LRRC4C: variants seen among roughly 807,000 people sequenced by gnomAD.
The protein encoded by LRRC4C is leucine-rich repeat-containing protein 4C.
A neutral mutation model predicts 33.6 loss-of-function variants in LRRC4C; 5 were observed. The ratio of observed to expected loss-of-function variants is 0.15; its 90% CI spans 0.08 to 0.31. LRRC4C has a LOEUF of 0.31. Among genes scored for constraint, LRRC4C ranks in the 10% least tolerant of loss-of-function variants. The pLI, the probability that LRRC4C is intolerant of heterozygous loss-of-function variation, is 1.00. For missense variants in LRRC4C, 560 were observed against 796.7 expected (o/e 0.70, Z 3.58); for synonymous variants, 329 against 302.0 (o/e 1.09, Z -0.93).
chr11:40,833,032 G>A (rs889811858), intron 2 of LRRC4C, among the ~76,000 whole-genome samples: 3 of 152,048 alleles, frequency 2.0e-5, no homozygotes, highest in Non-Finnish European at 4.4e-5. Flanking sequence ...CCTATTTTAA[G>A]GCCAAAATTC....
At chr11:41,119,382 T>G (rs559762221) in intron 1 of LRRC4C, among the ~76,000 whole-genome samples, 41 of 152,150 alleles carry the variant, frequency 2.7e-4, no homozygotes, top group Admixed American at 2.1e-3. Flanking sequence ...GTAGATTAAA[T>G]TATTTCTGGA....
At chr11:40,698,739 G>C (rs1565648215) in intron 2 of LRRC4C, among the ~76,000 whole-genome samples, 2 of 152,158 alleles carry the variant, frequency 1.3e-5, no homozygotes, top group Non-Finnish European at 2.9e-5. Flanking sequence ...GTTCCACGTG[G>C]CTGGGGAGGC....
In LRRC4C at chr11:40,730,818, T is replaced by C. The variant is rs189279582; in HGVS notation, c.-406-82540A>G. On this transcript the variant is annotated intron_variant, in intron 2 of 6. Transcript: ENST00000528697. ...AGATTTGTCACAGCCTCAACTAAAG[T>C]GAAGCCCACCTTTTCTGCTTAATAT... Among the ~76,000 whole-genome samples, 28 of 152,356 alleles carry C rather than the reference T, an allele frequency of 1.8e-4. 1 individual carries two copies. The East Asian group carries it at 5.4e-3, about 29-fold the overall frequency.
At chr11:40,354,536 G>T (rs970686245) in intron 3 of LRRC4C, among the ~76,000 whole-genome samples, 2 of 152,156 alleles carry the variant, frequency 1.3e-5, no homozygotes, top group East Asian at 3.9e-4. Context: ...AGCTGAGCTG[G>T]CACCCAAGCT....
intron 3 of LRRC4C, among the ~76,000 whole-genome samples, chr11:40,479,636 C>G (rs1238974157): frequency 1.3e-5 from 2 of 152,088 alleles, no homozygotes; most frequent in African/African-American, 4.8e-5. Context: ...AAACATAGTG[C>G]CAAGTTCCTA....
intron 3 of LRRC4C, among the ~76,000 whole-genome samples, chr11:40,363,976 T>C (rs941157614): frequency 2.6e-5 from 4 of 152,208 alleles, no homozygotes; most frequent in Non-Finnish European, 5.9e-5. Context: ...TCGTACATAT[T>C]TTTCTCTGAT....
At chr11:41,378,644 T>C (rs1838945) in intron 1 of LRRC4C, among the ~76,000 whole-genome samples, 112,384 of 151,428 alleles carry the variant, frequency 0.74, 42,290 homozygotes, top group African/African-American at 0.86. Context: ...ACAAAGATTT[T>C]AATCACTTAT....
intron 1 of LRRC4C, among the ~76,000 whole-genome samples, chr11:40,997,936 A>G (rs905744907): frequency 6.6e-6 from 1 of 152,138 alleles, no homozygotes; most frequent in Non-Finnish European, 1.5e-5. Context: ...AGCTGTCCAA[A>G]TAATCTGAAT....
chr11:40,912,960 A>T (rs1447371784), intron 2 of LRRC4C, among the ~76,000 whole-genome samples: 1 of 152,142 alleles, frequency 6.6e-6, no homozygotes, highest in Admixed American at 6.5e-5. Context: ...AGACCATTAC[A>T]TAATGGTAAA....
At chr11:41,241,379 A>C (rs11036311) in intron 1 of LRRC4C, among the ~76,000 whole-genome samples, 9,802 of 152,158 alleles carry the variant, frequency 0.064, 325 homozygotes, top group African/African-American at 0.078. Context: ...CATGACCATG[A>C]AACATGCTGA....
chr11:41,033,334 T>C (rs1418710093), intron 1 of LRRC4C, among the ~76,000 whole-genome samples: 1 of 151,806 alleles, frequency 6.6e-6, no homozygotes, highest in Non-Finnish European at 1.5e-5. Flanking sequence ...ACAGAGAAAA[T>C]ATAAAGCAAA....
chr11:41,435,664 T>C (rs536609624), intron 1 of LRRC4C, among the ~76,000 whole-genome samples: 1 of 152,308 alleles, frequency 6.6e-6, no homozygotes, highest in Non-Finnish European at 1.5e-5. Flanking sequence ...AATCGCATGG[T>C]TATTTGTCAA....
intron 2 of LRRC4C, among the ~76,000 whole-genome samples, chr11:40,682,652 G>A (rs946769874): frequency 3.3e-5 from 5 of 151,990 alleles, no homozygotes; most frequent in East Asian, 1.9e-4. Context: ...GTGAATGCCT[G>A]TAATCCCAGC....
intron 2 of LRRC4C, among the ~76,000 whole-genome samples, chr11:40,793,545 C>T (rs548053347): frequency 2.6e-5 from 4 of 152,210 alleles, no homozygotes; most frequent in African/African-American, 9.6e-5. Flanking sequence ...TTAATACTCA[C>T]AACAAACAAA....
At chr11:40,288,470 A>G (rs1472640999) in intron 4 of LRRC4C, among the ~76,000 whole-genome samples, 10 of 152,222 alleles carry the variant, frequency 6.6e-5, no homozygotes, top group Non-Finnish European at 1.5e-4. Context: ...ATTAAGAATA[A>G]CAATTACTAC....
chr11:41,435,701 T>C (rs1955401924), intron 1 of LRRC4C, among the ~76,000 whole-genome samples: 1 of 152,218 alleles, frequency 6.6e-6, no homozygotes, highest in Non-Finnish European at 1.5e-5. Context: ...CATAGTACAA[T>C]TATTATGTAG....
chr11:40,608,839 C>T (rs923016636), intron 3 of LRRC4C, among the ~76,000 whole-genome samples: 11 of 152,008 alleles, frequency 7.2e-5, no homozygotes, highest in African/African-American at 2.7e-4. Flanking sequence ...CAGAGAAGGA[C>T]ATTGTATATT....
intron 1 of LRRC4C, among the ~76,000 whole-genome samples, chr11:41,295,864 T>G (rs1418231020): frequency 6.6e-6 from 1 of 152,254 alleles, no homozygotes; most frequent in Non-Finnish European, 1.5e-5. Context: ...ATTGGCAAGT[T>G]TGAACACTAT....
intron 1 of LRRC4C, among the ~76,000 whole-genome samples, chr11:41,095,576 C>A (rs955687237): frequency 1.3e-5 from 2 of 152,152 alleles, no homozygotes; most frequent in African/African-American, 4.8e-5. Flanking sequence ...TTTGGACCTG[C>A]CTTTTTCTGA....
Sources: gnomAD v4.1 joint callset for allele counts (sites outside exome capture counted in the v4.1 genomes callset) on GRCh38, gnomAD v4.1.1 for gene constraint, MANE v1.5 for transcripts, NCBI Gene and HGNC (gene_info 2026-07-23, HGNC 2026-07-21) for gene names.